Variants in TRPS1 observed in about 807,000 individuals in gnomAD.
TRPS1 encodes the protein zinc finger transcription factor Trps1.
TRPS1 carries 6 observed loss-of-function variants against 101.2 expected under a neutral mutation model. That is an observed-to-expected ratio of 0.06 (90% CI 0.03 to 0.12). The LOEUF (loss-of-function observed/expected upper bound fraction) is 0.12. TRPS1 is among the 10% of genes least tolerant of loss of function. TRPS1 has a pLI of 1.00. For synonymous variants in TRPS1, 578 were observed against 589.8 expected (o/e 0.98, Z 0.29); for missense variants, 1,363 against 1,567.0 (o/e 0.87, Z 2.20).
intron 5 of TRPS1, among the ~76,000 whole-genome samples, chr8:115,581,796 TTG>T (rs1817458106): frequency 6.6e-6 from 1 of 152,166 alleles, no homozygotes; most frequent in Non-Finnish European, 1.5e-5. Flanking sequence ...CATAATGAAT[TTG>T]ATACATGGAT....
intron 5 of TRPS1, among the ~76,000 whole-genome samples, chr8:115,444,176 G>C (rs1254960098): frequency 6.6e-6 from 1 of 152,152 alleles, no homozygotes; most frequent in Non-Finnish European, 1.5e-5. Flanking sequence ...GTTTTTATAA[G>C]GAATGTGATT....
chr8:115,452,084 C>T (rs1046690680), intron 5 of TRPS1, among the ~76,000 whole-genome samples: 1 of 152,132 alleles, frequency 6.6e-6, no homozygotes, highest in Admixed American at 6.6e-5. Flanking sequence ...GAATGGTAAG[C>T]GGCTTTATTT....
At chr8:115,603,014 C>T (rs1439414510) in intron 4 of TRPS1, among the ~76,000 whole-genome samples, 1 of 152,158 alleles carries the variant, frequency 6.6e-6, no homozygotes, top group Non-Finnish European at 1.5e-5. Flanking sequence ...ATCTAAGTGT[C>T]TCATCTTCCC....
At chr8:115,519,596 T>C (rs1245908652) in intron 5 of TRPS1, among the ~76,000 whole-genome samples, 1 of 151,502 alleles carries the variant, frequency 6.6e-6, no homozygotes, top group Non-Finnish European at 1.5e-5. Context: ...ATAGATGTGG[T>C]GCCAACAAAA....
In TRPS1 at chr8:115,413,708, T is replaced by G. The variant is rs1387065467; in HGVS notation, c.*315A>C. 1 of 278,832 alleles carries G rather than the reference T, an allele frequency of 3.6e-6. No homozygotes were observed. The highest frequency in any genetic ancestry group is 2.3e-5 in the African/African-American group (1 of 44,436). 17.3% of individuals were successfully genotyped at this position (278,832 alleles called of 1,614,324 possible). ...CAGTTTTGGTCTCTTTCTTTATAAA[T>G]ATATTAATTCTAGTCTGGTGATATC... On this transcript the variant is annotated 3_prime_UTR_variant, in exon 7 of 7. Coordinates refer to ENST00000395715, the MANE Select transcript of TRPS1 (RefSeq NM_014112.5).
intron 5 of TRPS1, among the ~76,000 whole-genome samples, chr8:115,562,959 G>A (rs923036882): frequency 1.3e-5 from 2 of 148,852 alleles, no homozygotes; most frequent in Admixed American, 6.8e-5. Flanking sequence ...TTATTAGATT[G>A]GCTAGGATTT....
At chr8:115,450,380 G>C (rs1408119329) in intron 5 of TRPS1, among the ~76,000 whole-genome samples, 1 of 152,102 alleles carries the variant, frequency 6.6e-6, no homozygotes, top group Non-Finnish European at 1.5e-5. Context: ...TAAATGCTTT[G>C]AACATGCTTT....
At chr8:115,490,939 T>G (rs1299594396) in intron 5 of TRPS1, among the ~76,000 whole-genome samples, 3 of 152,178 alleles carry the variant, frequency 2.0e-5, no homozygotes, top group Non-Finnish European at 2.9e-5. Context: ...TTTCTACAAT[T>G]ATCGAAACAC....
At chr8:115,624,364 T>G (rs545009478) in intron 1 of TRPS1, among the ~76,000 whole-genome samples, 1 of 152,040 alleles carries the variant, frequency 6.6e-6, no homozygotes, top group South Asian at 2.1e-4. Context: ...AAGCTCAAAA[T>G]TGCTATTTTA....
At chr8:115,444,833 C>T (rs1239364326) in intron 5 of TRPS1, among the ~76,000 whole-genome samples, 1 of 152,204 alleles carries the variant, frequency 6.6e-6, no homozygotes, top group East Asian at 1.9e-4. Flanking sequence ...CAATTAGTCA[C>T]CAAGTCCTGT....
chr8:115,630,853 A>C (rs1395936116), intron 1 of TRPS1, among the ~76,000 whole-genome samples: 1 of 152,070 alleles, frequency 6.6e-6, no homozygotes, highest in Non-Finnish European at 1.5e-5. Flanking sequence ...TTGGTTTCCC[A>C]ATGCATTTCT....
At chr8:115,442,498 C>T (rs184377656) in intron 5 of TRPS1, among the ~76,000 whole-genome samples, 125 of 151,786 alleles carry the variant, frequency 8.2e-4, no homozygotes, top group African/African-American at 3.0e-3. Flanking sequence ...ATACTTTCTT[C>T]TTGCTGGCGA....
intron 5 of TRPS1, among the ~76,000 whole-genome samples, chr8:115,469,473 T>C (rs12114740): frequency 0.36 from 54,271 of 152,032 alleles, 10,393 homozygotes; most frequent in Non-Finnish European, 0.45. Flanking sequence ...TCTCAAAGAA[T>C]ATTCAATGGG....
chr8:115,531,939 G>A (rs897090705), intron 5 of TRPS1, among the ~76,000 whole-genome samples: 10 of 152,038 alleles, frequency 6.6e-5, no homozygotes, highest in Non-Finnish European at 5.9e-5. Flanking sequence ...GTCACAGATC[G>A]GGGTTTCTGA....
At chr8:115,493,089 C>G (rs1815067854) in intron 5 of TRPS1, among the ~76,000 whole-genome samples, 1 of 152,112 alleles carries the variant, frequency 6.6e-6, no homozygotes, top group South Asian at 2.1e-4. Flanking sequence ...GTAAGTTCTT[C>G]TTGAAGCGCA....
At chr8:115,518,034 GGA>G (rs1491304978) in intron 5 of TRPS1, among the ~76,000 whole-genome samples, 13 of 94 alleles carry the variant, frequency 0.14, no homozygotes, top group Non-Finnish European at 0.28. Context: ...GTGTAGGACA[GGA>G]AATGAAGGGC....
At position 115,414,509 on chromosome 8, in the gene TRPS1, G is replaced by A. The variant is rs369411533; in HGVS notation, c.3399C>T (p.Ser1133=). The A allele has an allele frequency of 3.3e-5, 54 of 1,613,762 alleles. No homozygotes were observed. The highest frequency in any genetic ancestry group is 4.1e-5 in the Non-Finnish European group (48 of 1,179,950). The part of the protein sequence containing the change: ...WLRFWSKYKL[S]VPGNPHYLSH... ...TCAAGTAGTGCGGATTCCCAGGAACGGAGAGCTTATATTTACTCCAGAACC... is the reference window on the plus strand; with the variant it reads ...TCAAGTAGTGCGGATTCCCAGGAACAGAGAGCTTATATTTACTCCAGAACC... Residue 1133 remains serine, a synonymous_variant, in exon 7 of 7, where the codon TCC becomes TCT. Coordinates refer to ENST00000395715, the MANE Select transcript of TRPS1 (RefSeq NM_014112.5). This position sits in a 1 kb window ranked among gnomAD's most constrained non-coding sequence, Gnocchi z 4.8.
chr8:115,447,957 C>T (rs1164041750), intron 5 of TRPS1, among the ~76,000 whole-genome samples: 3 of 152,096 alleles, frequency 2.0e-5, no homozygotes, highest in Non-Finnish European at 2.9e-5. Context: ...TTTATGCTTG[C>T]TTAGTAAGCC....
chr8:115,520,995 C>T (rs1258494255), intron 5 of TRPS1, among the ~76,000 whole-genome samples: 1 of 151,784 alleles, frequency 6.6e-6, no homozygotes, highest in Non-Finnish European at 1.5e-5. Context: ...ACGCTTATGC[C>T]TCCCAGAGGT....
Sources: allele counts gnomAD v4.1 joint callset (sites outside exome capture counted in the v4.1 genomes callset), GRCh38; gene constraint gnomAD v4.1.1; non-coding constraint Gnocchi (gnomAD v3.1); transcripts MANE v1.5; gene names NCBI Gene and HGNC (gene_info 2026-07-23, HGNC 2026-07-21).